TTC21B: variants seen among roughly 807,000 people sequenced by gnomAD.
The protein encoded by TTC21B is tetratricopeptide repeat domain 21B.
TTC21B carries 127 observed loss-of-function variants against 175.1 expected under a neutral mutation model. The observed-to-expected ratio is 0.73, with a 90% confidence interval of 0.63 to 0.84. The LOEUF is 0.84. Ranked by LOEUF, TTC21B falls within the 40% of genes least tolerant of loss-of-function variation. The probability of loss-of-function intolerance (pLI) is 0.00; values close to 1 mark genes in which losing one functional copy is unlikely to be tolerated. For synonymous variants in TTC21B, 524 were observed against 524.5 expected (o/e 1.00, Z 0.01); for missense variants, 1,561 against 1,558.3 (o/e 1.00, Z -0.03).
At chr2:165,905,557 C>A (rs775319739) in intron 19 of TTC21B, among the ~76,000 whole-genome samples, 5 of 151,866 alleles carry the variant, frequency 3.3e-5, no homozygotes, top group African/African-American at 4.8e-5. Flanking sequence ...ATGAAGAAGG[C>A]CATTTTATTA....
intron 16 of TTC21B, among the ~76,000 whole-genome samples, chr2:165,913,290 T>C (rs1409137807): frequency 6.6e-6 from 1 of 152,164 alleles, no homozygotes; most frequent in Non-Finnish European, 1.5e-5. Flanking sequence ...CCTCCCAAAG[T>C]GCTGGGATTA....
At chr2:165,888,042 A>C (rs1056287061) in intron 25 of TTC21B, among the ~76,000 whole-genome samples, 1 of 152,212 alleles carries the variant, frequency 6.6e-6, no homozygotes, top group Non-Finnish European at 1.5e-5. Context: ...TGAAGAATTC[A>C]GTTTCTGTAG....
At chr2:165,951,665 A>C (rs1317459918) in intron 1 of TTC21B, among the ~76,000 whole-genome samples, 1 of 152,182 alleles carries the variant, frequency 6.6e-6, no homozygotes, top group Admixed American at 6.5e-5. Flanking sequence ...TATTCAATCC[A>C]AAACATTTAC....
intron 15 of TTC21B, among the ~76,000 whole-genome samples, chr2:165,914,704 A>C (rs1022317161): frequency 4.9e-5 from 1 of 20,548 alleles, no homozygotes; most frequent in Admixed American, 4.6e-4. Context: ...TGTGTTGTGT[A>C]TCCCAATAAC....
At chr2:165,935,341 T>C (rs959219072) in intron 6 of TTC21B, among the ~76,000 whole-genome samples, 4 of 152,182 alleles carry the variant, frequency 2.6e-5, no homozygotes, top group African/African-American at 9.7e-5. Context: ...GCAGATATAG[T>C]CCTACATGTG....
In TTC21B at chr2:165,941,059, C is replaced by T. The variant is rs762285319; in HGVS notation, c.678G>A (p.Gln226=). ...CTGTCTCAACTGTCTGGTCCCAATC[C>T]TGCAAGGCTAGTTGTAATTTCATTT... The part of the protein sequence containing the change: ...VKKMKLQLAL[Q]DWDQTVETAQ... The change falls in exon 6 of 29, where the codon CAG becomes CAA. Residue 226 remains glutamine (Q), a synonymous_variant. Coordinates refer to ENST00000243344, the MANE Select transcript of TTC21B (RefSeq NM_024753.5). 9.9e-6 allele frequency: 16 copies of T among 1,613,842 alleles called. No individual in the cohort carries two copies. Among genetic ancestry groups the T allele is most frequent in the African/African-American group, 1.3e-5 (1 of 74,904 alleles).
intron 22 of TTC21B, among the ~76,000 whole-genome samples, chr2:165,894,677 C>T (rs767563203): frequency 1.5e-4 from 23 of 152,096 alleles, no homozygotes; most frequent in East Asian, 3.9e-4. Context: ...CAGGTTCAAG[C>T]GATTCTCCTG....
At chr2:165,886,554 G>A (rs1685002700) in intron 25 of TTC21B, among the ~76,000 whole-genome samples, 1 of 152,068 alleles carries the variant, frequency 6.6e-6, no homozygotes, top group African/African-American at 2.4e-5. Context: ...ATATATCATT[G>A]TCTTTTGAAT....
chr2:165,934,474 T>G (rs1421582279), intron 6 of TTC21B, among the ~76,000 whole-genome samples: 2 of 122,334 alleles, frequency 1.6e-5, no homozygotes, highest in Non-Finnish European at 3.2e-5. Context: ...TGCACTCCAG[T>G]CTGGGCAACA....
chr2:165,921,863 C>T (rs1467049008), intron 12 of TTC21B, among the ~76,000 whole-genome samples: 3 of 146,542 alleles, frequency 2.0e-5, no homozygotes, highest in African/African-American at 7.6e-5. Flanking sequence ...GGGGAACAGG[C>T]GGTGTTTGGT....
intron 25 of TTC21B, among the ~76,000 whole-genome samples, chr2:165,885,529 G>A (rs1684974878): frequency 6.6e-6 from 1 of 152,066 alleles, no homozygotes; most frequent in Non-Finnish European, 1.5e-5. Context: ...ACCAATTACT[G>A]AGCCTCACCC....
In TTC21B at chr2:165,931,876, T is replaced by C; in HGVS notation, c.796-20A>G. 1 of 1,537,152 alleles carries C rather than the reference T, an allele frequency of 6.5e-7. No homozygotes were observed. Among genetic ancestry groups the C allele is most frequent in the Non-Finnish European group, 9.0e-7 (1 of 1,110,322 alleles). On this transcript the variant is annotated intron_variant, in intron 7 of 28. Transcript: ENST00000243344. ...GGAAGCCTAAAACAAAAGGAACTGGTATTAACTTAAAATATACTAAGTAAA... is the reference window on the plus strand; with the variant it reads ...GGAAGCCTAAAACAAAAGGAACTGGCATTAACTTAAAATATACTAAGTAAA...
At chr2:165,950,003 CT>C (rs1171336879) in intron 1 of TTC21B, 9 of 234,076 alleles carry the variant, frequency 3.8e-5, no homozygotes, top group East Asian at 1.0e-4. Flanking sequence ...CTGCTTTCAC[CT>C]TTTTTCCTTT....
At chr2:165,920,800 A>ATATT (rs1470863737) in intron 12 of TTC21B, among the ~76,000 whole-genome samples, 1 of 62,440 alleles carries the variant, frequency 1.6e-5, no homozygotes, top group African/African-American at 4.1e-5. Context: ...TTTGAAGGAT[A>ATATT]CTAAATATTT....
In TTC21B at chr2:165,873,851, T is replaced by C. The variant is rs1684583253; in HGVS notation, c.*904A>G. 1 of 152,186 alleles carries C rather than the reference T, an allele frequency of 6.6e-6. No individual in the cohort carries two copies. Among genetic ancestry groups the C allele is most frequent in the Admixed American group, 6.5e-5 (1 of 15,280 alleles). The allele number at this position is 152,186 out of a possible 1,614,324, so 9.4% of individuals were successfully genotyped here. On this transcript the variant is annotated 3_prime_UTR_variant, in exon 29 of 29. Coordinates refer to ENST00000243344, the MANE Select transcript of TTC21B (RefSeq NM_024753.5). ...AATGAAAGTTACATTTTCTGTACTA[T>C]ACCACCACCCATTAACATTACAGAA... is the stretch of plus-strand genomic sequence containing the variant.
chr2:165,924,708 A>G, intron 11 of TTC21B, 30 bp from the exon 12 acceptor site: 1 of 1,601,374 alleles, frequency 6.2e-7, no homozygotes, highest in African/African-American at 1.3e-5. Context: ...AGATCATTTT[A>G]TAAGTGTAAA....
intron 6 of TTC21B, among the ~76,000 whole-genome samples, chr2:165,938,778 G>C (rs1687258640): frequency 6.6e-6 from 1 of 152,002 alleles, no homozygotes; most frequent in Admixed American, 6.6e-5. Flanking sequence ...GGGAAAGAAA[G>C]AGTGAGAAAG....
intron 5 of TTC21B, among the ~76,000 whole-genome samples, chr2:165,941,444 C>T (rs1055134753): frequency 2.3e-4 from 35 of 150,146 alleles, no homozygotes; most frequent in African/African-American, 8.6e-4. Flanking sequence ...AAAATGTTCT[C>T]GGAAATACCA....
At chr2:165,927,360 T>TA (rs1279129895) in intron 11 of TTC21B, among the ~76,000 whole-genome samples, 1 of 87,088 alleles carries the variant, frequency 1.1e-5, no homozygotes, top group Admixed American at 1.8e-4. Context: ...ATATATTTTA[T>TA]ATATATATAT....
Sources: allele counts gnomAD v4.1 joint callset (sites outside exome capture counted in the v4.1 genomes callset), GRCh38; gene constraint gnomAD v4.1.1; transcripts MANE v1.5; gene names NCBI Gene and HGNC (gene_info 2026-07-23, HGNC 2026-07-21).